The following ALMS1 variants were observed in gnomAD, a reference collection of about 807,000 sequenced individuals.
ALMS1 encodes ALMS1 centrosome and basal body associated protein, also known as centrosome-associated protein ALMS1.
A neutral mutation model predicts 352.2 loss-of-function variants in ALMS1; 271 were observed. That is an observed-to-expected ratio of 0.77 (90% CI 0.70 to 0.85). The LOEUF (loss-of-function observed/expected upper bound fraction) is 0.85, where lower values mean the gene tolerates loss of function less well. ALMS1 is among the 40% of genes least tolerant of loss of function. The pLI is 0.00. For synonymous variants in ALMS1, 1,865 were observed against 1,761.2 expected, an observed-to-expected ratio of 1.06 and a Z score of -1.48; for missense variants, 5,445 against 4,870.7, an observed-to-expected ratio of 1.12 and a Z score of -3.51.
At chr2:73,557,181 T>C in intron 13 of ALMS1, 39 bp from the exon 14 acceptor site, 2 of 1,613,626 alleles carry the variant, frequency 1.2e-6, no homozygotes, top group Non-Finnish European at 8.5e-7. Context: ...GTGTTTATTA[T>C]CTTTCCTTTT....
chr2:73,463,337 G>A (rs562882772), intron 9 of ALMS1, among the ~76,000 whole-genome samples: 1 of 152,132 alleles, frequency 6.6e-6, no homozygotes, highest in Non-Finnish European at 1.5e-5. Context: ...TGAATAACCT[G>A]CTCCTGAATG....
rs111667533 is a variant in ALMS1 at position 73,598,057 on chromosome 2, A to G, written c.11548-1344A>G. On this transcript the variant is annotated intron_variant, in intron 16 of 22. Transcript: ENST00000613296. ...TTGCTTAGTAAATATTTGTTGTCAA[A>G]TGCAAGATGTACCACTCAGTAAAGA... Among the ~76,000 whole-genome samples the G allele has an allele frequency of 3.7e-3, 566 of 152,352 alleles. 3 individuals carry two copies. The highest frequency in any genetic ancestry group is 0.013 in the African/African-American group (537 of 41,570).
At chr2:73,539,206 C>G (rs545803460) in intron 12 of ALMS1, among the ~76,000 whole-genome samples, 2 of 152,190 alleles carry the variant, frequency 1.3e-5, no homozygotes, top group Non-Finnish European at 2.9e-5. Flanking sequence ...AACGATCAGG[C>G]GGCAACATTT....
chr2:73,388,950 A>C (rs989807797), intron 1 of ALMS1, among the ~76,000 whole-genome samples: 1 of 152,018 alleles, frequency 6.6e-6, no homozygotes, highest in Non-Finnish European at 1.5e-5. Context: ...TTTCCTTTGG[A>C]GAGATACCCA....
intron 10 of ALMS1, among the ~76,000 whole-genome samples, chr2:73,498,587 G>T (rs1046035831): frequency 6.6e-6 from 1 of 151,582 alleles, no homozygotes; most frequent in Non-Finnish European, 1.5e-5. Context: ...TCAGCCTCTG[G>T]TAACCATCCT....
rs145029950 is a variant in ALMS1 at position 73,490,848 on chromosome 2, C to T, written c.8889C>T (p.Pro2963=). ...CTATAGCTTCAGACCTTCCGTCTCC[C>T]ATTTCTCTTGAACAATGCCAAAGCA... The part of the protein sequence containing the change: ...QDSIASDLPS[P]ISLEQCQSKA... Residue 2963 remains proline (P), a synonymous_variant, in exon 10 of 23, where the codon CCC becomes CCT. Coordinates refer to ENST00000613296, the MANE Select transcript of ALMS1 (RefSeq NM_001378454.1). The T allele has an allele frequency of 2.5e-6, 4 of 1,613,916 alleles. No homozygotes were observed. Among genetic ancestry groups the T allele is most frequent in the Admixed American group, 1.7e-5 (1 of 60,004 alleles).
chr2:73,388,198 C>A (rs1034367689), intron 1 of ALMS1, among the ~76,000 whole-genome samples: 2 of 152,118 alleles, frequency 1.3e-5, no homozygotes, highest in Non-Finnish European at 2.9e-5. Context: ...TTATTTTGTC[C>A]TGTGACTTCT....
At chr2:73,599,349 A>T in intron 16 of ALMS1, 52 bp from the exon 17 acceptor site, 1 of 1,605,628 alleles carries the variant, frequency 6.2e-7, no homozygotes, top group Non-Finnish European at 8.5e-7. Context: ...CCTGTGGATA[A>T]CTGTGACATT....
In ALMS1 at chr2:73,491,249, C is replaced by T. The variant is rs1672979236; in HGVS notation, c.9290C>T (p.Pro3097Leu). The change falls in exon 10 of 23, where the codon CCA becomes CTA. Residue 3097 changes from proline to leucine, a missense_variant. By Grantham distance (98) the Pro-to-Leu change is moderately conservative. Coordinates refer to ENST00000613296, the MANE Select transcript of ALMS1 (RefSeq NM_001378454.1). ...ACTGTATCTTCGAGATCACTGGAACCAACCTCCAAATTATTGACCAGTAAA... is the reference window on the plus strand; with the variant it reads ...ACTGTATCTTCGAGATCACTGGAACTAACCTCCAAATTATTGACCAGTAAA... ...LHTVSSRSLE[P>L]TSKLLTSKPV... is the part of the protein sequence containing the mutation. 1 of 1,613,940 alleles carries T rather than the reference C, an allele frequency of 6.2e-7. No individual in the cohort carries two copies. Among genetic ancestry groups the T allele is most frequent in the Admixed American group, 1.7e-5 (1 of 59,986 alleles).
At position 73,385,931 on chromosome 2, in the gene ALMS1, G is replaced by T; in HGVS notation, c.63G>T (p.Glu21Asp). 1 of 1,084,288 alleles carries T rather than the reference G, an allele frequency of 9.2e-7. No individual in the cohort carries two copies. The highest frequency in any genetic ancestry group is 1.4e-6 in the Non-Finnish European group (1 of 726,436). The allele number at this position is 1,084,288 out of a possible 1,614,324, so 67.2% of individuals were successfully genotyped here. A position where few individuals can be genotyped will look rare whatever the true frequency, so the allele number is the denominator to read the frequency against. Residue 21 changes from glutamate to aspartate, a missense_variant, in exon 1 of 23, where the codon GAG becomes GAT. Physicochemically the swap from Glu to Asp is conservative, Grantham distance 45. Coordinates refer to ENST00000613296, the MANE Select transcript of ALMS1 (RefSeq NM_001378454.1). ...ELEEEEEEEEEEEEEEEEAAA... is the reference protein window; with the variant it reads ...ELEEEEEEEEDEEEEEEEAAA... ...AGGAGGAGGAGGAGGAGGAGGAGGA[G>T]GAGGAGGAGGAAGAGGAGGAGGCTG...
chr2:73,519,955 T>C lies in ALMS1; in HGVS notation c.9720T>C (p.Ala3240=). 2 of 1,614,128 alleles carry C rather than the reference T, an allele frequency of 1.2e-6. No individual in the cohort carries two copies. Among genetic ancestry groups the C allele is most frequent in the Non-Finnish European group, 8.5e-7 (1 of 1,179,970 alleles). The change falls in exon 11 of 23, where the codon GCT becomes GCC. Residue 3240 remains alanine (A), a synonymous_variant. Transcript: ENST00000613296. ...CTGGTAACCAGAAGCTACGCAAAGC[T>C]CCTGTCAAGTTTGCCTCATCATCTT... ...IEPGNQKLRK[A]PVKFASSSSV... is the part of the protein sequence containing the mutation.
chr2:73,409,187 T>C (rs1372983042), intron 2 of ALMS1, among the ~76,000 whole-genome samples: 1 of 152,164 alleles, frequency 6.6e-6, no homozygotes, highest in African/African-American at 2.4e-5. Context: ...AATATTCTAT[T>C]TTTCTAATAG....
intron 7 of ALMS1, among the ~76,000 whole-genome samples, chr2:73,435,253 T>A (rs1671583955): frequency 6.6e-6 from 1 of 152,250 alleles, no homozygotes; most frequent in Non-Finnish European, 1.5e-5. Context: ...ATGTCATTAT[T>A]GATGTGATTG....
intron 4 of ALMS1, among the ~76,000 whole-genome samples, 177 bp downstream of exon 4, chr2:73,423,151 C>T (rs917110878): frequency 2.0e-5 from 3 of 152,098 alleles, no homozygotes; most frequent in Non-Finnish European, 4.4e-5. Flanking sequence ...GGCAGAGTAA[C>T]GTATGTGTAG....
At chr2:73,550,597 C>T (rs561507998) in intron 13 of ALMS1, among the ~76,000 whole-genome samples, 160 bp downstream of exon 13, 21 of 152,062 alleles carry the variant, frequency 1.4e-4, no homozygotes, top group African/African-American at 4.8e-4. Flanking sequence ...TTCATAAAAT[C>T]CTTTAATAAT....
At chr2:73,496,846 C>T (rs897922687) in intron 10 of ALMS1, among the ~76,000 whole-genome samples, 4 of 152,072 alleles carry the variant, frequency 2.6e-5, no homozygotes, top group South Asian at 2.1e-4. Flanking sequence ...TTATGAACAC[C>T]GTTTCAAGAG....
intron 16 of ALMS1, among the ~76,000 whole-genome samples, chr2:73,598,195 A>G (rs1675592683): frequency 6.6e-6 from 1 of 152,112 alleles, no homozygotes; most frequent in East Asian, 1.9e-4. Flanking sequence ...GATGCTATTA[A>G]ATGTTTTGGC....
chr2:73,550,874 C>T (rs1376214590), intron 13 of ALMS1, among the ~76,000 whole-genome samples: 1 of 151,792 alleles, frequency 6.6e-6, no homozygotes, highest in Non-Finnish European at 1.5e-5. Flanking sequence ...CAGGGTCTCA[C>T]TCTGTCACCC....
rs369256893 is a variant in ALMS1 at position 73,573,317 on chromosome 2, A to G, written c.11440A>G (p.Asn3814Asp). ...RRIKLYSSIT[N>D]QQRRYLEKRS... ...AATTAAATTATATAGCAGCATCACCAACCAACAGAGGAGATACCTTGAGAA... is the reference window on the plus strand; with the variant it reads ...AATTAAATTATATAGCAGCATCACCGACCAACAGAGGAGATACCTTGAGAA... Residue 3814 changes from asparagine (N) to aspartate (D), a missense_variant, in exon 16 of 23, where the codon AAC becomes GAC. Coordinates refer to ENST00000613296, the MANE Select transcript of ALMS1 (RefSeq NM_001378454.1). 2 of 1,614,024 alleles carry G rather than the reference A, an allele frequency of 1.2e-6. No individual in the cohort carries two copies. Among genetic ancestry groups the G allele is most frequent in the Non-Finnish European group, 1.7e-6 (2 of 1,180,020 alleles).
Sources: allele counts gnomAD v4.1 joint callset (sites outside exome capture counted in the v4.1 genomes callset), GRCh38; gene constraint gnomAD v4.1.1; transcripts MANE v1.5; gene names NCBI Gene and HGNC (gene_info 2026-07-23, HGNC 2026-07-21).